MACROD2: variants seen among roughly 807,000 people sequenced by gnomAD.
The protein encoded by MACROD2 is mono-ADP ribosylhydrolase 2, also known as ADP-ribose glycohydrolase MACROD2.
In MACROD2, 36 loss-of-function variants were observed where a neutral mutation model predicts 70.4. That is an observed-to-expected ratio of 0.51 (90% CI 0.39 to 0.68). The LOEUF is 0.68. Ranked by LOEUF, MACROD2 falls within the 30% of genes least tolerant of loss-of-function variation. The probability of loss-of-function intolerance (pLI) is 0.00; values close to 1 mark genes in which losing one functional copy is unlikely to be tolerated. For missense variants in MACROD2, 496 were observed against 538.4 expected, an observed-to-expected ratio of 0.92 and a Z score of 0.78; for synonymous variants, 172 against 178.8, an observed-to-expected ratio of 0.96 and a Z score of 0.30.
chr20:14,479,263 G>A (rs1191455808), intron 3 of MACROD2, among the ~76,000 whole-genome samples: 1 of 152,148 alleles, frequency 6.6e-6, no homozygotes, highest in Non-Finnish European at 1.5e-5. Flanking sequence ...AGGAAAGTCA[G>A]GTCCGTAGAT....
intron 4 of MACROD2, among the ~76,000 whole-genome samples, chr20:14,529,534 C>G (rs569108523): frequency 3.3e-5 from 5 of 152,240 alleles, no homozygotes; most frequent in Admixed American, 3.3e-4. Context: ...TAAAAATTCC[C>G]ACACACCTCC....
At chr20:14,987,847 A>C (rs569071890) in intron 5 of MACROD2, among the ~76,000 whole-genome samples, 2 of 150,878 alleles carry the variant, frequency 1.3e-5, no homozygotes, top group South Asian at 2.1e-4. Flanking sequence ...TCAGGACTTA[A>C]GATATATATA....
chr20:15,984,736 T>C (rs920524628), intron 13 of MACROD2, among the ~76,000 whole-genome samples: 1 of 152,088 alleles, frequency 6.6e-6, no homozygotes, highest in African/African-American at 2.4e-5. Flanking sequence ...TGTTACACTG[T>C]TAACTTTTAG....
chr20:15,832,644 A>G (rs2064069061), intron 8 of MACROD2, among the ~76,000 whole-genome samples: 1 of 152,236 alleles, frequency 6.6e-6, no homozygotes. Flanking sequence ...ATGTTGTAAC[A>G]GGAAGCTACG....
chr20:14,651,230 C>T (rs1407933697), intron 4 of MACROD2, among the ~76,000 whole-genome samples: 5 of 151,972 alleles, frequency 3.3e-5, no homozygotes, highest in Non-Finnish European at 5.9e-5. Context: ...ATGAATCCAC[C>T]GAAGACAGTG....
chr20:14,862,156 T>TATAAATATATATTATAC, intron 5 of MACROD2, among the ~76,000 whole-genome samples: 1 of 20,912 alleles, frequency 4.8e-5, no homozygotes, highest in Non-Finnish European at 8.9e-5. Flanking sequence ...TACATAAATA[T>TATAAATATATATTATAC]ATAAATATAT....
intron 8 of MACROD2, among the ~76,000 whole-genome samples, chr20:15,577,262 A>G (rs1170802786): frequency 1.3e-5 from 2 of 152,014 alleles, no homozygotes; most frequent in Non-Finnish European, 2.9e-5. Flanking sequence ...AGTGCAGTCA[A>G]CACACCTATT....
At chr20:14,649,491 A>G (rs1985567082) in intron 4 of MACROD2, among the ~76,000 whole-genome samples, 1 of 152,304 alleles carries the variant, frequency 6.6e-6, no homozygotes, top group East Asian at 1.9e-4. Context: ...GAAAGTAAGC[A>G]AGATCCAGCT....
chr20:14,602,465 G>T (rs544067038), intron 4 of MACROD2, among the ~76,000 whole-genome samples: 1 of 152,192 alleles, frequency 6.6e-6, no homozygotes, highest in East Asian at 1.9e-4. Context: ...GTATTTGGCC[G>T]TCTCCTTGCC....
chr20:14,599,045 T>G (rs1307710913), intron 4 of MACROD2, among the ~76,000 whole-genome samples: 2 of 152,198 alleles, frequency 1.3e-5, no homozygotes, highest in Admixed American at 6.6e-5. Context: ...CTGTTAAAGT[T>G]ACCAAAAGGT....
chr20:14,865,323 C>G (rs745833869), intron 5 of MACROD2, among the ~76,000 whole-genome samples: 21 of 152,168 alleles, frequency 1.4e-4, no homozygotes, highest in East Asian at 3.9e-4. Context: ...GTGATGCTAC[C>G]TCTTCTGTGT....
At chr20:14,563,343 A>T (rs1979563279) in intron 4 of MACROD2, among the ~76,000 whole-genome samples, 1 of 151,932 alleles carries the variant, frequency 6.6e-6, no homozygotes, top group Admixed American at 6.6e-5. Flanking sequence ...AGGGAATGGA[A>T]TTTATTTTTA....
intron 3 of MACROD2, among the ~76,000 whole-genome samples, chr20:14,098,838 C>T (rs567390238): frequency 2.0e-4 from 31 of 152,124 alleles, no homozygotes; most frequent in Non-Finnish European, 4.3e-4. Flanking sequence ...AGTCAAAAGT[C>T]ATTTTGACTT....
intron 9 of MACROD2, among the ~76,000 whole-genome samples, chr20:15,877,738 T>A (rs984754449): frequency 7.2e-5 from 11 of 152,128 alleles, no homozygotes; most frequent in Non-Finnish European, 1.5e-4. Flanking sequence ...AAATCCAAAT[T>A]GTTCCTAGAA....
chr20:15,423,620 T>G (rs1265501941), intron 6 of MACROD2, among the ~76,000 whole-genome samples: 1 of 151,982 alleles, frequency 6.6e-6, no homozygotes, highest in Non-Finnish European at 1.5e-5. Flanking sequence ...TGGCCTCATA[T>G]AGTGGAGAAA....
chr20:15,735,030 G>A (rs548997606), intron 8 of MACROD2, among the ~76,000 whole-genome samples: 9 of 152,118 alleles, frequency 5.9e-5, no homozygotes, highest in South Asian at 2.1e-4. Flanking sequence ...GTGCGATCTC[G>A]GTTCACTGCA....
chr20:14,660,724 C>T (rs1986183341), intron 4 of MACROD2, among the ~76,000 whole-genome samples: 1 of 151,976 alleles, frequency 6.6e-6, no homozygotes, highest in Non-Finnish European at 1.5e-5. Flanking sequence ...TTTGGAATCC[C>T]CAGTGTTTAT....
intron 8 of MACROD2, among the ~76,000 whole-genome samples, chr20:15,650,898 C>T (rs1359924322): frequency 6.6e-6 from 1 of 152,194 alleles, no homozygotes; most frequent in Non-Finnish European, 1.5e-5. Context: ...GTGTCATCAG[C>T]ACACCTGACA....
intron 5 of MACROD2, among the ~76,000 whole-genome samples, chr20:15,152,111 A>G (rs933119826): frequency 2.2e-4 from 33 of 152,136 alleles, no homozygotes; most frequent in Non-Finnish European, 3.5e-4. Context: ...TTTTACGACA[A>G]GAATTATTTA....
Sources: gnomAD v4.1 joint callset for allele counts (sites outside exome capture counted in the v4.1 genomes callset) on GRCh38, gnomAD v4.1.1 for gene constraint, MANE v1.5 for transcripts, NCBI Gene and HGNC (gene_info 2026-07-23, HGNC 2026-07-21) for gene names.